The following RGS5 variants were observed in gnomAD, a reference collection of about 807,000 sequenced individuals.
The protein encoded by RGS5 is regulator of G-protein signalling 5.
In RGS5, 20 loss-of-function variants were observed where a neutral mutation model predicts 18.9. That is an observed-to-expected ratio of 1.06 (90% confidence interval 0.74 to 1.54). RGS5 has a LOEUF of 1.54. Ranked by LOEUF, RGS5 falls within the 40% of genes most tolerant of loss-of-function variation. The pLI is 0.00. For synonymous variants in RGS5, 57 were observed against 76.2 expected (o/e 0.75, Z 1.31); for missense variants, 201 against 211.8 (o/e 0.95, Z 0.32).
chr1:163,297,542 A>G (rs1649451986), intron 2 of RGS5, among the ~76,000 whole-genome samples: 1 of 151,358 alleles, frequency 6.6e-6, no homozygotes, highest in South Asian at 2.1e-4. Flanking sequence ...ATCTCCTCTT[A>G]GCTGGGTCTT....
chr1:163,152,299 A>G (rs1657405005), intron 4 of RGS5, among the ~76,000 whole-genome samples: 2 of 152,212 alleles, frequency 1.3e-5, no homozygotes, highest in South Asian at 4.1e-4. Context: ...GCAAGATTTC[A>G]CATTGGTATG....
intron 1 of RGS5, among the ~76,000 whole-genome samples, chr1:163,192,852 C>T (rs1659412249): frequency 6.6e-6 from 1 of 152,200 alleles, no homozygotes; most frequent in South Asian, 2.1e-4. Flanking sequence ...TATGTGGTCT[C>T]ACACTCCCAT....
intron 2 of RGS5, among the ~76,000 whole-genome samples, chr1:163,241,961 T>C (rs1463576864): frequency 3.3e-5 from 5 of 152,184 alleles, no homozygotes; most frequent in African/African-American, 1.2e-4. Flanking sequence ...AAGATTGAAC[T>C]AGATTAATTG....
intron 2 of RGS5, among the ~76,000 whole-genome samples, chr1:163,281,046 G>A (rs373051098): frequency 2.0e-5 from 3 of 152,106 alleles, no homozygotes; most frequent in East Asian, 1.9e-4. Context: ...TTCCTGTGCT[G>A]TCCTTGGAAT....
chr1:163,194,324 T>C (rs1365282575), intron 1 of RGS5, among the ~76,000 whole-genome samples: 2 of 152,202 alleles, frequency 1.3e-5, no homozygotes, highest in African/African-American at 4.8e-5. Flanking sequence ...TCTTTTAAGC[T>C]ACATTCAGGA....
At chr1:163,262,785 G>A (rs1364420883) in intron 2 of RGS5, among the ~76,000 whole-genome samples, 1 of 151,208 alleles carries the variant, frequency 6.6e-6, no homozygotes, top group Non-Finnish European at 1.5e-5. Flanking sequence ...CAGTGTAAAA[G>A]TGTTCCTATT....
At chr1:163,206,816 T>C, upstream of RGS5, 1 of 152,162 alleles carries the variant, frequency 6.6e-6, no homozygotes, top group East Asian at 1.9e-4. Flanking sequence ...TAAATTTCTT[T>C]TGTTTATAAA....
At chr1:163,172,572 A>T (rs1444249044) in intron 1 of RGS5, 1 of 1,549,838 alleles carries the variant, frequency 6.5e-7, no homozygotes. Context: ...ACATCAGGTT[A>T]CTCTTTTCCT....
chr1:163,253,594 G>T (rs1648177927), intron 2 of RGS5, among the ~76,000 whole-genome samples: 1 of 151,310 alleles, frequency 6.6e-6, no homozygotes, highest in Non-Finnish European at 1.5e-5. Flanking sequence ...ACAGGCGTGA[G>T]CCACCGCACC....
intron 2 of RGS5, among the ~76,000 whole-genome samples, chr1:163,243,316 A>G (rs1647838936): frequency 6.6e-6 from 1 of 152,098 alleles, no homozygotes. Context: ...GGGGAGGGAG[A>G]GCATTAGAAC....
intron 2 of RGS5, among the ~76,000 whole-genome samples, chr1:163,257,219 T>G (rs1648297196): frequency 6.6e-6 from 1 of 152,060 alleles, no homozygotes; most frequent in Admixed American, 6.5e-5. Context: ...TAGGGGTGAT[T>G]TAAAGCAAAA....
At chr1:163,305,530 T>C (rs544481680) in intron 2 of RGS5, among the ~76,000 whole-genome samples, 20 of 152,326 alleles carry the variant, frequency 1.3e-4, no homozygotes, top group African/African-American at 4.6e-4. Context: ...AGTCATTACT[T>C]TGGTGGCTTG....
chr1:163,151,949 A>C (rs2102382830), intron 4 of RGS5, among the ~76,000 whole-genome samples: 1 of 152,268 alleles, frequency 6.6e-6, no homozygotes, highest in Non-Finnish European at 1.5e-5. Context: ...CTAAACACAA[A>C]GTTCATTTAT....
intron 2 of RGS5, among the ~76,000 whole-genome samples, chr1:163,286,048 A>ATG (rs1160156443): frequency 6.6e-6 from 1 of 152,024 alleles, no homozygotes; most frequent in Non-Finnish European, 1.5e-5. Context: ...CTATATATAT[A>ATG]TATACAGTCA....
chr1:163,219,870 A>G (rs905585809), upstream of RGS5, among the ~76,000 whole-genome samples: 3 of 152,138 alleles, frequency 2.0e-5, no homozygotes, highest in African/African-American at 7.2e-5. Context: ...TATCATGAAT[A>G]CTGCTTCTAT....
intron 2 of RGS5, among the ~76,000 whole-genome samples, chr1:163,285,993 T>C (rs1649134191): frequency 3.8e-5 from 2 of 52,544 alleles, no homozygotes. Flanking sequence ...AAGTATTTAA[T>C]TTATGCACAC....
chr1:163,253,320 T>G (rs1447001022), intron 2 of RGS5, among the ~76,000 whole-genome samples: 1 of 152,022 alleles, frequency 6.6e-6, no homozygotes, highest in African/African-American at 2.4e-5. Flanking sequence ...ATAAGGCCAT[T>G]TTTCTTGAGA....
At chr1:163,171,338 C>T (rs1428675409) in intron 1 of RGS5, among the ~76,000 whole-genome samples, 1 of 152,152 alleles carries the variant, frequency 6.6e-6, no homozygotes, top group African/African-American at 2.4e-5. Flanking sequence ...CAGTATCCCA[C>T]CCAGTCCGTG....
In RGS5 at chr1:163,152,665, T is replaced by C. The variant is rs2102383557; in HGVS notation, c.269A>G (p.Asn90Ser). The change falls in exon 4 of 5, where the codon AAC (asparagine) becomes AGC (serine). Residue 90 changes from asparagine to serine, a missense_variant. Asn to Ser is a conservative substitution (Grantham distance 46). Coordinates refer to ENST00000313961, the MANE Select transcript of RGS5 (RefSeq NM_003617.4). ...CTCACAGGCAATCCAGAACTCAAGG[T>C]TTTCCTCACTGAATTCAGACTTCAG... is the stretch of plus-strand genomic sequence containing the variant. ...SFLKSEFSEE[N>S]LEFWIACEDY... 1 of 1,611,210 alleles carries C rather than the reference T, an allele frequency of 6.2e-7. No homozygotes were observed. The highest frequency in any genetic ancestry group is 8.5e-7 in the Non-Finnish European group (1 of 1,178,682).
Sources: allele counts gnomAD v4.1 joint callset (sites outside exome capture counted in the v4.1 genomes callset), GRCh38; gene constraint gnomAD v4.1.1; transcripts MANE v1.5; gene names NCBI Gene and HGNC (gene_info 2026-07-23, HGNC 2026-07-21).